The following HEATR5A variants were observed in gnomAD, a reference collection of about 807,000 sequenced individuals.
HEATR5A encodes the protein HEAT repeat-containing protein 5A.
In HEATR5A, 178 loss-of-function variants were observed where a neutral mutation model predicts 218.8. The ratio of observed to expected loss-of-function variants is 0.81; its 90% CI spans 0.72 to 0.92. The LOEUF (loss-of-function observed/expected upper bound fraction) is 0.92. HEATR5A is among the 40% of genes least tolerant of loss of function. The pLI is 0.00. For synonymous variants in HEATR5A, 864 were observed against 871.6 expected, an observed-to-expected ratio of 0.99 and a Z score of 0.15; for missense variants, 2,420 against 2,418.9, an observed-to-expected ratio of 1.00 and a Z score of -0.01.
At chr14:31,323,995 A>G (rs2139169799) in intron 23 of HEATR5A, among the ~76,000 whole-genome samples, 191 bp from the exon 24 acceptor site, 1 of 152,284 alleles carries the variant, frequency 6.6e-6, no homozygotes, top group South Asian at 2.1e-4. Context: ...CAGCTGTCTA[A>G]AGGAGATGCT....
At position 31,344,268 on chromosome 14, in the gene HEATR5A, C is replaced by CTTTTTTTTTTTTTTTTTTT. The variant is rs577497140; in HGVS notation, c.3059-222_3059-204dup. Among the ~76,000 whole-genome samples the CTTTTTTTTTTTTTTTTTTT allele has an allele frequency of 2.0e-4, 10 of 50,830 alleles. 1 individual carries two copies. The highest frequency in any genetic ancestry group is 0.026 in the Middle Eastern group (1 of 38). The allele number at this position is 50,830 out of a possible 152,430, so 33.3% of individuals were successfully genotyped here. A position where few individuals can be genotyped will look rare whatever the true frequency, so the allele number is the denominator to read the frequency against. The stretch of plus-strand genomic sequence containing the variant: ...GTTACAGATTGTTAGATTAGTTATT[C>CTTTTTTTTTTTTTTTTTTT]TTTTTTTTTTTTTTTTTTTTTTTTT... On this transcript the variant is annotated intron_variant, in intron 20 of 35. Transcript: ENST00000543095.
chr14:31,403,698 T>C (rs2030958085), intron 1 of HEATR5A, among the ~76,000 whole-genome samples: 1 of 152,222 alleles, frequency 6.6e-6, no homozygotes, highest in African/African-American at 2.4e-5. Flanking sequence ...CAAGATCATA[T>C]CTGCTCTGAC....
intron 32 of HEATR5A, 107 bp downstream of exon 32, chr14:31,304,772 AGGATTAAAGACAATACCCAAATGTTT>A: frequency 1.1e-6 from 1 of 875,722 alleles, no homozygotes; most frequent in Non-Finnish European, 1.8e-6. Context: ...CTAATCTTAG[AGGATTAAAGACAATACCCAAATGTTT>A]GGGTCAGCAT....
intron 10 of HEATR5A, 112 bp from the exon 11 acceptor site, chr14:31,380,690 C>T (rs943033178): frequency 2.4e-5 from 16 of 680,450 alleles, no homozygotes; most frequent in East Asian, 8.2e-5. Flanking sequence ...TAAATGTAAA[C>T]GATAAAGAAC....
rs1171668890 is a variant in HEATR5A at position 31,304,951 on chromosome 14, A to G, written c.5193T>C (p.Ala1731=). The G allele has an allele frequency of 6.8e-6, 11 of 1,613,922 alleles. No homozygotes were observed. In the East Asian group the frequency reaches 2.0e-4, roughly 29 times the overall value. Residue 1731 remains alanine, a synonymous_variant, in exon 32 of 36, where the codon GCT becomes GCC. Transcript: ENST00000543095. ...GAAGTTCGGAAAGGATAACCAATGC[A>G]GCTGAAACCAATCTACTTCCATCTT... is the stretch of plus-strand genomic sequence containing the variant. ...LLEDGSRLVS[A]ALVILSELPA...
intron 1 of HEATR5A, among the ~76,000 whole-genome samples, chr14:31,417,072 CAAAT>C (rs752836806): frequency 2.0e-5 from 3 of 151,844 alleles, no homozygotes; most frequent in African/African-American, 4.8e-5. Flanking sequence ...TAAAAATAAA[CAAAT>C]AAATAAAACA....
chr14:31,312,589 T>A (rs1266429769), intron 28 of HEATR5A, among the ~76,000 whole-genome samples: 2 of 152,084 alleles, frequency 1.3e-5, no homozygotes, highest in African/African-American at 4.8e-5. Context: ...ACTTTTGTGT[T>A]TTTAGTAGAA....
intron 28 of HEATR5A, among the ~76,000 whole-genome samples, chr14:31,312,503 C>A (rs1899789759): frequency 6.6e-6 from 1 of 151,456 alleles, no homozygotes; most frequent in South Asian, 2.1e-4. Flanking sequence ...ACTTCAGCCT[C>A]CCGGGTTCAA....
chr14:31,353,584 A>G (rs1326878531), intron 16 of HEATR5A, among the ~76,000 whole-genome samples: 1 of 152,090 alleles, frequency 6.6e-6, no homozygotes, highest in African/African-American at 2.4e-5. Flanking sequence ...AAAAAGAAAA[A>G]AAATTAGCCA....
At chr14:31,372,767 T>G (rs1169361140) in intron 12 of HEATR5A, among the ~76,000 whole-genome samples, 3 of 152,122 alleles carry the variant, frequency 2.0e-5, no homozygotes, top group African/African-American at 4.8e-5. Context: ...GCAGAGGTTG[T>G]GGTGAGCCAA....
intron 31 of HEATR5A, 89 bp downstream of exon 31, chr14:31,306,643 G>T: frequency 7.6e-7 from 1 of 1,307,212 alleles, no homozygotes; most frequent in Non-Finnish European, 1.0e-6. Context: ...ACACACAAAA[G>T]ATTATCAAAA....
At chr14:31,375,242 G>A (rs988727023) in intron 11 of HEATR5A, among the ~76,000 whole-genome samples, 1 of 152,060 alleles carries the variant, frequency 6.6e-6, no homozygotes, top group African/African-American at 2.4e-5. Context: ...ACTCAGTTTC[G>A]TCTACATATT....
At chr14:31,340,238 T>C (rs1177563840) in intron 21 of HEATR5A, among the ~76,000 whole-genome samples, 1 of 151,490 alleles carries the variant, frequency 6.6e-6, no homozygotes, top group Non-Finnish European at 1.5e-5. Flanking sequence ...GTGCAAGGAG[T>C]GAGTGCACCA....
At chr14:31,333,041 G>C (rs564031176) in intron 22 of HEATR5A, among the ~76,000 whole-genome samples, 7 of 151,756 alleles carry the variant, frequency 4.6e-5, no homozygotes, top group African/African-American at 1.7e-4. Flanking sequence ...TGCAGAGCAA[G>C]GCCCTACCTC....
chr14:31,370,337 TA>T (rs1228154934), intron 13 of HEATR5A, among the ~76,000 whole-genome samples: 5 of 151,118 alleles, frequency 3.3e-5, no homozygotes, highest in African/African-American at 4.9e-5. Context: ...GGAAGGGAAA[TA>T]TTGAGAAAAA....
At chr14:31,363,600 G>T (rs1283177256) in intron 14 of HEATR5A, among the ~76,000 whole-genome samples, 1 of 152,112 alleles carries the variant, frequency 6.6e-6, no homozygotes, top group Admixed American at 6.5e-5. Context: ...AATGTAACTA[G>T]CTCACTGTAT....
chr14:31,359,175 A>G (rs2139231663), intron 14 of HEATR5A, 118 bp from the exon 15 acceptor site: 1 of 922,826 alleles, frequency 1.1e-6, no homozygotes, highest in South Asian at 1.6e-5. Context: ...TATCACAGCC[A>G]AAAGACTGTA....
At position 31,420,506 on chromosome 14, in the gene HEATR5A, G is replaced by C. The variant is rs1178592101; in HGVS notation, c.-109C>G. 6.6e-6 allele frequency: 1 copy of C among 152,460 alleles called. No homozygotes were observed. The highest frequency in any genetic ancestry group is 1.5e-5 in the Non-Finnish European group (1 of 68,264). The allele number at this position is 152,460 out of a possible 1,614,324, so 9.4% of individuals were successfully genotyped here. A position where few individuals can be genotyped will look rare whatever the true frequency, so the allele number is the denominator to read the frequency against. ...TCCTCCTCAGCTGAGCGTGCGTCCC[G>C]GTCCAGCAACGTTACCGGCTGCTCT... is the stretch of plus-strand genomic sequence containing the variant. On this transcript the variant is annotated 5_prime_UTR_variant, in exon 1 of 36. Coordinates refer to ENST00000543095, the MANE Select transcript of HEATR5A (RefSeq NM_015473.4).
At chr14:31,329,636 G>A (rs557309853) in intron 22 of HEATR5A, among the ~76,000 whole-genome samples, 8 of 152,302 alleles carry the variant, frequency 5.3e-5, no homozygotes, top group East Asian at 1.9e-4. Flanking sequence ...CACAGCTGGC[G>A]TTGAGTATAT....
Sources: gnomAD v4.1 joint callset for allele counts (sites outside exome capture counted in the v4.1 genomes callset) on GRCh38, gnomAD v4.1.1 for gene constraint, MANE v1.5 for transcripts, NCBI Gene and HGNC (gene_info 2026-07-23, HGNC 2026-07-21) for gene names.